WDTC1: variants seen among roughly 807,000 people sequenced by gnomAD.
WDTC1 encodes the protein WD and tetratricopeptide repeats 1.
WDTC1 carries 12 observed loss-of-function variants against 76.0 expected under a neutral mutation model. The ratio of observed to expected loss-of-function variants is 0.16; its 90% CI spans 0.10 to 0.26. The LOEUF (loss-of-function observed/expected upper bound fraction) is 0.26. Among genes scored for constraint, WDTC1 ranks in the 10% least tolerant of loss-of-function variants. The pLI is 1.00. For missense variants in WDTC1, 511 were observed against 908.8 expected (o/e 0.56, Z 5.63); for synonymous variants, 326 against 350.8 (o/e 0.93, Z 0.79).
intron 6 of WDTC1, among the ~76,000 whole-genome samples, chr1:27,288,799 C>T (rs553560593): frequency 5.9e-5 from 9 of 152,042 alleles, no homozygotes; most frequent in Admixed American, 2.0e-4. Flanking sequence ...TTTTCCCCAC[C>T]TTTCCCCCCT....
chr1:27,244,762 A>G (rs1189954935), intron 1 of WDTC1, among the ~76,000 whole-genome samples: 1 of 152,178 alleles, frequency 6.6e-6, no homozygotes, highest in Non-Finnish European at 1.5e-5. Context: ...ATAGAGTGAA[A>G]GGAAACTTGC....
intron 3 of WDTC1, among the ~76,000 whole-genome samples, chr1:27,271,612 T>G (rs1273309367): frequency 6.6e-6 from 1 of 151,654 alleles, no homozygotes; most frequent in Non-Finnish European, 1.5e-5. Flanking sequence ...TAATTTACTT[T>G]TTGTATTTTA....
At position 27,306,140 on chromosome 1, in the gene WDTC1, T is replaced by A. The variant is rs1169402614; in HGVS notation, c.1837-46T>A. 2.5e-6 allele frequency: 4 copies of A among 1,608,386 alleles called. No individual in the cohort carries two copies. The African/African-American group carries it at 4.0e-5, about 16-fold the overall frequency. On this transcript the variant is annotated intron_variant, in intron 15 of 15. Coordinates refer to ENST00000319394, the MANE Select transcript of WDTC1 (RefSeq NM_001276252.2). The surrounding 1 kb of genome is among the most constrained non-coding windows in gnomAD (Gnocchi z 5.0). ...TCCCCTATACGTGTACCCTGGTGCC[T>A]CTCCCTCCCTGAGCCCCACGTGTGT...
chr1:27,255,133 A>G (rs1244971233), intron 1 of WDTC1, among the ~76,000 whole-genome samples: 9 of 152,018 alleles, frequency 5.9e-5, no homozygotes, highest in South Asian at 2.1e-4. Flanking sequence ...TATGGCTACT[A>G]TGTGTTTCAT....
At chr1:27,272,182 G>GTTGTGGTGAGCTGAGATCGTGCCA (rs956413741) in intron 3 of WDTC1, among the ~76,000 whole-genome samples, 1 of 151,896 alleles carries the variant, frequency 6.6e-6, no homozygotes, top group African/African-American at 2.4e-5. Flanking sequence ...GCAGGCAGAG[G>GTTGTGGTGAGCTGAGATCGTGCCA]TTGTGGTGAG....
chr1:27,254,113 CA>C (rs199608954), intron 1 of WDTC1, among the ~76,000 whole-genome samples: 17 of 150,508 alleles, frequency 1.1e-4, no homozygotes, highest in Admixed American at 9.2e-4. Context: ...AAAACAAAAA[CA>C]AAAAAAAGAA....
chr1:27,294,695 C>G, intron 9 of WDTC1, 66 bp downstream of exon 9: 1 of 1,344,220 alleles, frequency 7.4e-7, no homozygotes, highest in Non-Finnish European at 1.1e-6. Context: ...GGGCATGTAC[C>G]TTATGTTCAC....
At chr1:27,257,438 T>G (rs1445012610) in intron 1 of WDTC1, among the ~76,000 whole-genome samples, 1 of 152,182 alleles carries the variant, frequency 6.6e-6, no homozygotes, top group Non-Finnish European at 1.5e-5. Flanking sequence ...TATACTCACT[T>G]CTTTGGTGTT....
chr1:27,296,637 G>A (rs3813790), intron 10 of WDTC1, among the ~76,000 whole-genome samples: 111,247 of 152,024 alleles, frequency 0.73, 41,869 homozygotes, highest in East Asian at 0.86. Context: ...TTCCTTCCAT[G>A]GCTTGGCTCT....
chr1:27,235,167 G>A (rs1019574061), intron 1 of WDTC1, among the ~76,000 whole-genome samples: 12 of 151,944 alleles, frequency 7.9e-5, no homozygotes, highest in Non-Finnish European at 1.5e-4. Flanking sequence ...GGGGCGGAGG[G>A]TTTGGTCGGG....
At chr1:27,258,540 AAG>A (rs1491076731) in intron 1 of WDTC1, among the ~76,000 whole-genome samples, 5 of 151,124 alleles carry the variant, frequency 3.3e-5, no homozygotes, top group Non-Finnish European at 5.9e-5. Context: ...AAAAAAAAAA[AAG>A]AAAAAAAAAG....
At position 27,287,726 on chromosome 1, in the gene WDTC1, A is replaced by T. The variant is rs1188040048; in HGVS notation, c.344A>T (p.Lys115Met). The change falls in exon 6 of 16, where the codon AAG (lysine) becomes ATG (methionine). Residue 115 changes from lysine to methionine, a missense_variant. Lys to Met is a moderately conservative substitution (Grantham distance 95). Coordinates refer to ENST00000319394, the MANE Select transcript of WDTC1 (RefSeq NM_001276252.2). ...RILITGAADSKVHVHDLTVKE... is the reference protein window; with the variant it reads ...RILITGAADSMVHVHDLTVKE... ...TTGATCACGGGGGCAGCCGACTCTAAGGTGCATGTGCACGACCTGACAGTA... is the reference window on the plus strand; with the variant it reads ...TTGATCACGGGGGCAGCCGACTCTATGGTGCATGTGCACGACCTGACAGTA... 1 of 1,614,072 alleles carries T rather than the reference A, an allele frequency of 6.2e-7. No homozygotes were observed. The highest frequency in any genetic ancestry group is 8.5e-7 in the Non-Finnish European group (1 of 1,180,000).
At chr1:27,304,196 G>C (rs944683356) in intron 14 of WDTC1, 24 of 226,598 alleles carry the variant, frequency 1.1e-4, no homozygotes, top group African/African-American at 5.5e-4. Flanking sequence ...TCTGTTTTGT[G>C]CTCAAAACTG....
rs530226830 is a variant in WDTC1 at position 27,292,576 on chromosome 1, C to T, written c.662+179C>T. The stretch of plus-strand genomic sequence containing the variant: ...TCAAGTAGCTGAGACTACAGTCACA[C>T]GCCACCTCGCTTGGCTAATTTTTTA... On this transcript the variant is annotated intron_variant, in intron 7 of 15. Transcript: ENST00000319394. Among the ~76,000 whole-genome samples the T allele has an allele frequency of 2.4e-4, 37 of 152,024 alleles. No homozygotes were observed. In the Middle Eastern group the frequency reaches 0.014, roughly 56 times the overall value.
chr1:27,306,383 G>T lies in WDTC1; in HGVS notation c.2034G>T (p.Ter678TyrextTer66). 6.2e-7 allele frequency: 1 copy of T among 1,610,912 alleles called. No individual in the cohort carries two copies. The highest frequency in any genetic ancestry group is 1.1e-5 in the South Asian group (1 of 91,028). Residue 678 changes from the stop codon to tyrosine, a stop_lost, in exon 16 of 16, where the codon TAG (stop) becomes TAT (tyrosine). Coordinates refer to ENST00000319394, the MANE Select transcript of WDTC1 (RefSeq NM_001276252.2). This position sits in a 1 kb window ranked among gnomAD's most constrained non-coding sequence, Gnocchi z 5.0. Reference sequence around the variant, plus strand: ...GCCAGGTGCAGTGCCGGCCCAGCTAGACCCTCCAGCCCTGGTCCCCAGCCC... The same window carrying T: ...GCCAGGTGCAGTGCCGGCCCAGCTATACCCTCCAGCCCTGGTCCCCAGCCC... ...SEGQVQCRPS[*>Y]
intron 5 of WDTC1, among the ~76,000 whole-genome samples, chr1:27,286,134 C>G (rs1305052321): frequency 6.7e-6 from 1 of 148,956 alleles, no homozygotes; most frequent in Non-Finnish European, 1.5e-5. Flanking sequence ...ACCTTCCGAG[C>G]AGCTGGGATT....
At chr1:27,283,257 C>A in intron 4 of WDTC1, 81 bp from the exon 5 acceptor site, 2 of 1,289,430 alleles carry the variant, frequency 1.6e-6, no homozygotes, top group African/African-American at 1.5e-5. Context: ...TAACCTAACT[C>A]CTTGTAAACT....
intron 9 of WDTC1, among the ~76,000 whole-genome samples, chr1:27,295,892 A>C (rs997833392): frequency 2.8e-4 from 42 of 152,046 alleles, no homozygotes; most frequent in African/African-American, 9.7e-4. Context: ...CAGCCTCCTG[A>C]GTAGCTGGGA....
At chr1:27,254,140 T>C (rs942064915) in intron 1 of WDTC1, among the ~76,000 whole-genome samples, 2 of 152,200 alleles carry the variant, frequency 1.3e-5, no homozygotes, top group Admixed American at 6.5e-5. Flanking sequence ...CAAAATGATT[T>C]TTTAAAATAA....
Sources: allele counts gnomAD v4.1 joint callset (sites outside exome capture counted in the v4.1 genomes callset), GRCh38; gene constraint gnomAD v4.1.1; non-coding constraint Gnocchi (gnomAD v3.1); transcripts MANE v1.5; gene names NCBI Gene and HGNC (gene_info 2026-07-23, HGNC 2026-07-21).